Variants in MYH14 observed in about 807,000 individuals in gnomAD.
The protein encoded by MYH14 is myosin-14.
Under a neutral mutation model 255.5 loss-of-function variants are expected in MYH14, and 123 were observed. That is an observed-to-expected ratio of 0.48 (90% CI 0.42 to 0.56). The LOEUF (loss-of-function observed/expected upper bound fraction) is 0.56. Among genes scored for constraint, MYH14 ranks in the 20% least tolerant of loss-of-function variants. The probability of loss-of-function intolerance (pLI) is 0.00; values close to 1 mark genes in which losing one functional copy is unlikely to be tolerated. For missense variants in MYH14, 2,423 were observed against 2,802.3 expected, an observed-to-expected ratio of 0.86 and a Z score of 3.06; for synonymous variants, 1,095 against 1,161.2, an observed-to-expected ratio of 0.94 and a Z score of 1.16.
At chr19:50,277,982 G>A (rs548130129) in intron 29 of MYH14, 101 bp from the exon 30 acceptor site, 333 of 865,392 alleles carry the variant, frequency 3.8e-4, no homozygotes, top group Admixed American at 9.5e-4. Context: ...GTGTGTTCCA[G>A]GCAGAGGGAA....
At chr19:50,235,404 C>G (rs112665541) in intron 10 of MYH14, among the ~76,000 whole-genome samples, 4 of 151,284 alleles carry the variant, frequency 2.6e-5, no homozygotes, top group African/African-American at 7.3e-5. Context: ...GCTGGCCCCC[C>G]AGCTCCCTAC....
chr19:50,213,533 G>A (rs1024398314), intron 2 of MYH14, among the ~76,000 whole-genome samples: 1 of 152,160 alleles, frequency 6.6e-6, no homozygotes. Context: ...GACTTTTGGG[G>A]CCTAAGAAAT....
intron 39 of MYH14, among the ~76,000 whole-genome samples, chr19:50,294,962 G>A (rs557263688): frequency 6.6e-6 from 1 of 150,938 alleles, no homozygotes; most frequent in Admixed American, 6.6e-5. Flanking sequence ...AGGGTACTCA[G>A]CACCAAAGAA....
chr19:50,294,966 CA>C (rs149569788), intron 39 of MYH14, among the ~76,000 whole-genome samples: 2,015 of 150,736 alleles, frequency 0.013, 57 homozygotes, highest in South Asian at 0.072. Context: ...TACTCAGCAC[CA>C]AAGAACCTTG....
chr19:50,295,846 C>T lies in MYH14; in HGVS notation c.5469+2159C>T, dbSNP rs186057048. 2.8e-3 allele frequency among the ~76,000 whole-genome samples: 427 copies of T among 152,262 alleles called. 6 individuals carry two copies. The highest frequency in any genetic ancestry group is 8.7e-4 in the Non-Finnish European group (59 of 68,026). ...AAATAGTTTAAGCCAGGCGCAGTGGCTCATGCCTATAATCCTAGCACTTTG... is the reference window on the plus strand; with the variant it reads ...AAATAGTTTAAGCCAGGCGCAGTGGTTCATGCCTATAATCCTAGCACTTTG... On this transcript the variant is annotated intron_variant, in intron 39 of 42. Transcript: ENST00000642316.
intron 8 of MYH14, 148 bp downstream of exon 8, chr19:50,227,114 G>A (rs1174318309): frequency 3.8e-6 from 2 of 531,770 alleles, no homozygotes; most frequent in African/African-American, 3.8e-5. Context: ...ATGGGGAGGG[G>A]AGGGTGGGAC....
chr19:50,261,589 A>G lies in MYH14; in HGVS notation c.2539A>G (p.Ile847Val), dbSNP rs762221501. ...EEERDLKVTD[I>V]IVSFQAAARG... ...GGAGCGAGACCTGAAGGTCACCGAC[A>G]TCATCGTCTCCTTCCAGGCAGCTGC... is the stretch of plus-strand genomic sequence containing the variant. Residue 847 changes from isoleucine to valine, a missense_variant, in exon 21 of 43, where the codon ATC becomes GTC. By Grantham distance (29) the Ile-to-Val change is conservative. Coordinates refer to ENST00000642316, the MANE Select transcript of MYH14 (RefSeq NM_001145809.2). 2 of 1,603,440 alleles carry G rather than the reference A, an allele frequency of 1.2e-6. No homozygotes were observed. The highest frequency in any genetic ancestry group is 1.7e-6 in the Non-Finnish European group (2 of 1,176,324).
intron 30 of MYH14, among the ~76,000 whole-genome samples, chr19:50,278,934 G>A (rs1741828070): frequency 6.6e-6 from 1 of 152,110 alleles, no homozygotes; most frequent in African/African-American, 2.4e-5. Flanking sequence ...GTTGTGATGA[G>A]CTGAGACCGC....
intron 10 of MYH14, among the ~76,000 whole-genome samples, chr19:50,237,270 G>A (rs1477892348): frequency 2.0e-5 from 3 of 151,876 alleles, no homozygotes; most frequent in Non-Finnish European, 2.9e-5. Flanking sequence ...ATGATGAACC[G>A]GTGACCTCTT....
In MYH14 at chr19:50,250,366, G is replaced by C; in HGVS notation, c.1657-149G>C. ...TCTACCCGCCTCGGCCTCCCAAAGT[G>C]CTGGGATTACAGGCGTGAGCCACCG... On this transcript the variant is annotated intron_variant, in intron 14 of 42. Coordinates refer to ENST00000642316, the MANE Select transcript of MYH14 (RefSeq NM_001145809.2). The surrounding 1 kb of genome is among the most constrained non-coding windows in gnomAD (Gnocchi z 5.4). The C allele has an allele frequency of 1.3e-6, 1 of 749,078 alleles. No homozygotes were observed. 46.4% of individuals were successfully genotyped at this position (749,078 alleles called of 1,614,324 possible).
In MYH14 at chr19:50,278,307, G is replaced by A; in HGVS notation, c.4032+18G>A. On this transcript the variant is annotated intron_variant, in intron 30 of 42. Transcript: ENST00000642316. ...GAGCCCAGGTAAGTGGGGTGGGCAG[G>A]GCAGAGGTTTCTGCTGTGTGACCTT... The A allele has an allele frequency of 6.6e-7, 1 of 1,514,270 alleles. No individual in the cohort carries two copies. The highest frequency in any genetic ancestry group is 8.9e-7 in the Non-Finnish European group (1 of 1,124,650). The allele number at this position is 1,514,270 out of a possible 1,614,324, so 93.8% of individuals were successfully genotyped here. A position where few individuals can be genotyped will look rare whatever the true frequency, so the allele number is the denominator to read the frequency against.
At chr19:50,210,834 A>C in intron 2 of MYH14, 64 bp downstream of exon 2, 3 of 1,525,710 alleles carry the variant, frequency 2.0e-6, no homozygotes, top group South Asian at 1.2e-5. Flanking sequence ...AACCAGGTCC[A>C]CCACCCGGCT....
chr19:50,236,627 G>A (rs2033669423), intron 10 of MYH14, among the ~76,000 whole-genome samples: 1 of 151,818 alleles, frequency 6.6e-6, no homozygotes, highest in Non-Finnish European at 1.5e-5. Context: ...AGAATCGCTT[G>A]AACCCGGGAG....
chr19:50,239,986 A>G (rs1342553876), intron 10 of MYH14, among the ~76,000 whole-genome samples: 1 of 152,044 alleles, frequency 6.6e-6, no homozygotes, highest in Non-Finnish European at 1.5e-5. Context: ...GGAGCCCCCC[A>G]TGTCCCTTCC....
At chr19:50,227,855 G>A (rs2033184511) in intron 8 of MYH14, among the ~76,000 whole-genome samples, 1 of 152,134 alleles carries the variant, frequency 6.6e-6, no homozygotes, top group Non-Finnish European at 1.5e-5. Flanking sequence ...CCCTGCCTCA[G>A]TTTCTCCCTC....
chr19:50,293,479 T>C lies in MYH14; in HGVS notation c.5346-85T>C. 3.8e-6 allele frequency: 6 copies of C among 1,571,804 alleles called. No individual in the cohort carries two copies. The highest frequency in any genetic ancestry group is 3.5e-5 in the South Asian group (3 of 86,656). On this transcript the variant is annotated intron_variant, in intron 38 of 42. Transcript: ENST00000642316. This position sits in a 1 kb window ranked among gnomAD's most constrained non-coding sequence, Gnocchi z 4.1. ...GTGAGGCTGGGGAGATGCGTGGGGC[T>C]AACCACAGGGTCCTGTAGTGTGAGG... is the stretch of plus-strand genomic sequence containing the variant.
chr19:50,249,558 A>ATCTCTGTCCCCTGTCTCTGG, intron 13 of MYH14, 92 bp from the exon 14 acceptor site: 5 of 703,082 alleles, frequency 7.1e-6, no homozygotes, highest in Middle Eastern at 4.0e-4. Flanking sequence ...CTCTCGATGC[A>ATCTCTGTCCCCTGTCTCTGG]TCTCTGTCCC....
intron 24 of MYH14, 59 bp downstream of exon 24, chr19:50,268,426 A>G: frequency 6.7e-7 from 1 of 1,498,122 alleles, no homozygotes; most frequent in Non-Finnish European, 9.0e-7. Flanking sequence ...TACACCATCC[A>G]CCTTTGCTTC....
At position 50,289,626 on chromosome 19, in the gene MYH14, G is replaced by T; in HGVS notation, c.4943G>T (p.Arg1648Met). 1 of 1,610,304 alleles carries T rather than the reference G, an allele frequency of 6.2e-7. No individual in the cohort carries two copies. Among genetic ancestry groups the T allele is most frequent in the Non-Finnish European group, 8.5e-7 (1 of 1,178,836 alleles). ...GGCCGTGATGAGGCTGGTGAAGAGA[G>T]GCGGAGGCAGCTGGCCAAGCAGGTA... ...LQGRDEAGEE[R>M]RRQLAKQLRD... Residue 1648 changes from arginine to methionine, a missense_variant, in exon 35 of 43, where the codon AGG becomes ATG. By Grantham distance (91) the Arg-to-Met change is moderately conservative (BLOSUM62 -1). Transcript: ENST00000642316.
Sources: allele counts gnomAD v4.1 joint callset (sites outside exome capture counted in the v4.1 genomes callset), GRCh38; gene constraint gnomAD v4.1.1; non-coding constraint Gnocchi (gnomAD v3.1); transcripts MANE v1.5; gene names NCBI Gene and HGNC (gene_info 2026-07-23, HGNC 2026-07-21).